The following DGKB variants were observed in gnomAD, a reference collection of about 807,000 sequenced individuals.
DGKB encodes 90 kDa diacylglycerol kinase.
Under a neutral mutation model 114.3 loss-of-function variants are expected in DGKB, and 67 were observed. The ratio of observed to expected loss-of-function variants is 0.59; its 90% CI spans 0.48 to 0.72. The LOEUF (loss-of-function observed/expected upper bound fraction) is 0.72, where lower values mean the gene tolerates loss of function less well. Among genes scored for constraint, DGKB ranks in the 30% least tolerant of loss-of-function variants. The probability of loss-of-function intolerance (pLI) is 0.00; values close to 1 mark genes in which losing one functional copy is unlikely to be tolerated. For missense variants in DGKB, 907 were observed against 975.2 expected, an observed-to-expected ratio of 0.93 and a Z score of 0.93; for synonymous variants, 398 against 323.1, an observed-to-expected ratio of 1.23 and a Z score of -2.49.
At chr7:14,830,793 G>C (rs903132334) in intron 2 of DGKB, among the ~76,000 whole-genome samples, 1 of 151,970 alleles carries the variant, frequency 6.6e-6, no homozygotes, top group Non-Finnish European at 1.5e-5. Context: ...ACTGCAGCTA[G>C]ATTAGGGCCA....
At chr7:14,914,994 A>G (rs977015838) in intron 1 of DGKB, among the ~76,000 whole-genome samples, 1 of 152,164 alleles carries the variant, frequency 6.6e-6, no homozygotes, top group Non-Finnish European at 1.5e-5. Context: ...GAGCAAAAAT[A>G]ATTTAAAAAG....
chr7:14,540,902 T>A (rs1363388956), intron 20 of DGKB, among the ~76,000 whole-genome samples: 1 of 152,122 alleles, frequency 6.6e-6, no homozygotes, highest in Non-Finnish European at 1.5e-5. Context: ...GATAGAACCT[T>A]TTGAATTCAA....
chr7:14,793,622 G>A (rs1052237384), intron 2 of DGKB, among the ~76,000 whole-genome samples: 3 of 152,066 alleles, frequency 2.0e-5, no homozygotes, highest in Non-Finnish European at 4.4e-5. Context: ...AGGAGGAGAA[G>A]GATGTACATA....
rs1796843376 is a variant in DGKB, at chr7:14,562,689, T to C, written c.1770+11523A>G. On this transcript the variant is annotated intron_variant, in intron 20 of 25. Coordinates refer to ENST00000402815, the MANE Select transcript of DGKB (RefSeq NM_001350709.2). ...CTTTTGTTTTGGACGATTTCTCCCATTTGGAATGAGTGTATTTACCCAATG... is the reference window on the plus strand; with the variant it reads ...CTTTTGTTTTGGACGATTTCTCCCACTTGGAATGAGTGTATTTACCCAATG... 1.3e-5 allele frequency among the ~76,000 whole-genome samples: 2 copies of C among 152,180 alleles called. 1 individual carries two copies. The highest frequency in any genetic ancestry group is 2.9e-5 in the Non-Finnish European group (2 of 68,032).
In DGKB at chr7:14,375,709, T is replaced by G. The variant is rs1027105469; in HGVS notation, c.1836-30318A>C. On this transcript the variant is annotated intron_variant, in intron 21 of 25. Transcript: ENST00000402815. ...ATGCCTCACGCTGGCATTTCCTGCT[T>G]TGCTTTCTTCGATAGCACTTCCTGC... Among the ~76,000 whole-genome samples, 10 of 152,330 alleles carry G rather than the reference T, an allele frequency of 6.6e-5. 1 individual carries two copies. Among genetic ancestry groups the G allele is most frequent in the Admixed American group, 2.0e-4 (3 of 15,298 alleles).
intron 2 of DGKB, among the ~76,000 whole-genome samples, chr7:14,837,649 G>A (rs1030510510): frequency 6.6e-6 from 1 of 152,082 alleles, no homozygotes; most frequent in Non-Finnish European, 1.5e-5. Flanking sequence ...TTTTCTAATA[G>A]AGTATGGAGG....
chr7:14,500,486 G>A (rs1229663709), intron 20 of DGKB, among the ~76,000 whole-genome samples: 1 of 146,186 alleles, frequency 6.8e-6, no homozygotes, highest in Admixed American at 6.8e-5. Context: ...TTTTTTTTTT[G>A]CTATCATCTT....
chr7:14,470,762 G>C (rs35537537), intron 21 of DGKB, among the ~76,000 whole-genome samples: 18 of 151,530 alleles, frequency 1.2e-4, no homozygotes, highest in Non-Finnish European at 2.2e-4. Flanking sequence ...ATTTTCAATT[G>C]GCTTTTTTCA....
chr7:14,486,057 AT>A (rs1285327993), intron 20 of DGKB, among the ~76,000 whole-genome samples: 3 of 152,188 alleles, frequency 2.0e-5, no homozygotes, highest in Admixed American at 6.6e-5. Context: ...AATCCACTTC[AT>A]TCTTTTTTTT....
intron 21 of DGKB, among the ~76,000 whole-genome samples, chr7:14,359,276 G>A (rs187719312): frequency 2.6e-5 from 4 of 151,890 alleles, no homozygotes; most frequent in Non-Finnish European, 4.4e-5. Context: ...TGGAGAAAGC[G>A]GAAACTGGAT....
intron 23 of DGKB, among the ~76,000 whole-genome samples, chr7:14,236,600 T>C (rs1200357934): frequency 6.6e-6 from 1 of 151,878 alleles, no homozygotes; most frequent in African/African-American, 2.4e-5. Context: ...TGCTGGGAAA[T>C]CTCAGCTGAA....
At chr7:14,564,204 G>A (rs1416319935) in intron 20 of DGKB, among the ~76,000 whole-genome samples, 1 of 152,116 alleles carries the variant, frequency 6.6e-6, no homozygotes, top group Admixed American at 6.6e-5. Context: ...CTAGGTGGCT[G>A]GTTTTGCTGA....
intron 25 of DGKB, among the ~76,000 whole-genome samples, chr7:14,151,336 A>G (rs1362682903): frequency 6.6e-6 from 1 of 152,014 alleles, no homozygotes; most frequent in African/African-American, 2.4e-5. Flanking sequence ...ATATGTTAGT[A>G]TCAATTTATG....
At chr7:14,624,356 A>T (rs1563712540) in intron 14 of DGKB, among the ~76,000 whole-genome samples, 2 of 152,170 alleles carry the variant, frequency 1.3e-5, no homozygotes, top group African/African-American at 4.8e-5. Context: ...TAATTATCCA[A>T]CAATTGTTGT....
intron 20 of DGKB, among the ~76,000 whole-genome samples, chr7:14,519,212 GAGCTACAA>G (rs1789336242): frequency 6.6e-6 from 1 of 151,924 alleles, no homozygotes; most frequent in Non-Finnish European, 1.5e-5. Context: ...CTAAAATTCA[GAGCTACAA>G]TTTTTTTTCC....
At chr7:14,714,646 T>C (rs10228891) in intron 6 of DGKB, among the ~76,000 whole-genome samples, 88,541 of 151,990 alleles carry the variant, frequency 0.58, 26,576 homozygotes, top group East Asian at 0.87. Flanking sequence ...TCTGGATTAA[T>C]TTTTAACTAG....
rs140836395 is a variant in DGKB, at chr7:14,304,087, A to ACACACACACACACACTCT, written c.2122+34427_2122+34428insAGAGTGTGTGTGTGTGTG. On this transcript the variant is annotated intron_variant, in intron 23 of 25. Coordinates refer to ENST00000402815, the MANE Select transcript of DGKB (RefSeq NM_001350709.2). ...CACACACACACACACACACACACACACTCTCTCTCTCTCACCCCTACCTCA... is the reference window on the plus strand; with the variant it reads ...CACACACACACACACACACACACACACACACACACACACACTCTCTCTCTCTCTCTCACCCCTACCTCA... Among the ~76,000 whole-genome samples, 432 of 110,078 alleles carry ACACACACACACACACTCT rather than the reference A, an allele frequency of 3.9e-3. 7 individuals carry two copies. The highest frequency in any genetic ancestry group is 0.011 in the African/African-American group (291 of 27,496). The allele number at this position is 110,078 out of a possible 152,430, so 72.2% of individuals were successfully genotyped here. A position where few individuals can be genotyped will look rare whatever the true frequency, so the allele number is the denominator to read the frequency against.
chr7:14,900,163 T>C (rs976069287), intron 1 of DGKB, among the ~76,000 whole-genome samples: 6 of 152,134 alleles, frequency 3.9e-5, no homozygotes, highest in Non-Finnish European at 8.8e-5. Context: ...GGCTATCAAG[T>C]AGTTGAACCT....
At chr7:14,669,786 G>C (rs954212982) in intron 13 of DGKB, among the ~76,000 whole-genome samples, 2 of 152,134 alleles carry the variant, frequency 1.3e-5, no homozygotes, top group African/African-American at 4.8e-5. Flanking sequence ...TTGTACTAAA[G>C]TGTCACATAA....
Sources: gnomAD v4.1 joint callset for allele counts (sites outside exome capture counted in the v4.1 genomes callset) on GRCh38, gnomAD v4.1.1 for gene constraint, MANE v1.5 for transcripts, NCBI Gene and HGNC (gene_info 2026-07-23, HGNC 2026-07-21) for gene names.